AGBL4: variants seen among roughly 807,000 people sequenced by gnomAD.
AGBL4 encodes AGBL carboxypeptidase 4, also known as cytosolic carboxypeptidase 6.
A neutral mutation model predicts 66.4 loss-of-function variants in AGBL4; 58 were observed. The ratio of observed to expected loss-of-function variants is 0.87; its 90% CI spans 0.71 to 1.09. The LOEUF is 1.09. Among genes scored for constraint, AGBL4 ranks in the 50% least tolerant of loss-of-function variants. AGBL4 has a pLI of 0.00. For missense variants in AGBL4, 579 were observed against 631.0 expected, an observed-to-expected ratio of 0.92 and a Z score of 0.88; for synonymous variants, 234 against 222.9, an observed-to-expected ratio of 1.05 and a Z score of -0.44.
At chr1:48,601,198 C>T (rs1340213021) in intron 9 of AGBL4, among the ~76,000 whole-genome samples, 1 of 152,192 alleles carries the variant, frequency 6.6e-6, no homozygotes. Context: ...GTTAGTTTCA[C>T]CATGGTTGAG....
intron 6 of AGBL4, among the ~76,000 whole-genome samples, chr1:48,686,581 CAA>C (rs1425474624): frequency 6.6e-6 from 1 of 152,044 alleles, no homozygotes; most frequent in East Asian, 1.9e-4. Context: ...AAAGAAGAAA[CAA>C]GAGAAAAAAG....
intron 2 of AGBL4, among the ~76,000 whole-genome samples, chr1:49,747,844 G>C (rs1025638334): frequency 1.9e-4 from 29 of 151,744 alleles, no homozygotes; most frequent in Admixed American, 4.6e-4. Context: ...TATTCAATTT[G>C]ACACAATAAA....
chr1:48,898,960 T>A (rs113566608), intron 5 of AGBL4, among the ~76,000 whole-genome samples: 4,733 of 152,302 alleles, frequency 0.031, 243 homozygotes, highest in African/African-American at 0.1. Flanking sequence ...TGGTACCTCC[T>A]TACTCTCAGC....
At chr1:49,179,560 A>T (rs1420692979) in intron 4 of AGBL4, among the ~76,000 whole-genome samples, 4 of 151,956 alleles carry the variant, frequency 2.6e-5, no homozygotes, top group Admixed American at 2.6e-4. Flanking sequence ...CAAGCAGAGG[A>T]CAAAAGGAGC....
chr1:49,304,895 A>G (rs1023405163), intron 3 of AGBL4, among the ~76,000 whole-genome samples: 1 of 152,162 alleles, frequency 6.6e-6, no homozygotes, highest in African/African-American at 2.4e-5. Context: ...TCTTTGTTGC[A>G]CTTACACATT....
intron 3 of AGBL4, among the ~76,000 whole-genome samples, chr1:49,672,921 CAAAAAAA>C (rs60612868): frequency 1.1e-4 from 5 of 47,058 alleles, no homozygotes; most frequent in South Asian, 8.7e-4. Context: ...AACTCCATCT[CAAAAAAA>C]AAAAAAAAAA....
chr1:49,697,321 C>A lies in AGBL4; in HGVS notation c.274G>T (p.Glu92Ter), dbSNP rs1262692593. ...WFNFTVENVKESQRVIFNIVN... is the reference protein window; with the variant it reads ...WFNFTVENVK ...TCCACTATTTCCCTCACCTGTGATT[C>A]TTTCACATTTTCAACAGTAAAGTTG... Residue 92 changes from glutamate to a stop codon, truncating the protein, a stop_gained, in exon 3 of 14, where the codon GAA (glutamate) becomes TAA (stop). Transcript: ENST00000371839. LOFTEE classifies it high-confidence loss of function. 6 of 1,546,388 alleles carry A rather than the reference C, an allele frequency of 3.9e-6. No individual in the cohort carries two copies. Among genetic ancestry groups the A allele is most frequent in the Non-Finnish European group, 5.2e-6 (6 of 1,143,080 alleles).
chr1:49,506,736 G>C (rs1211837597), intron 3 of AGBL4, among the ~76,000 whole-genome samples: 3 of 151,988 alleles, frequency 2.0e-5, no homozygotes, highest in African/African-American at 7.2e-5. Flanking sequence ...TAAAAGAATG[G>C]AATATGGTGG....
At chr1:48,755,692 C>G (rs940426318) in intron 6 of AGBL4, among the ~76,000 whole-genome samples, 4 of 152,126 alleles carry the variant, frequency 2.6e-5, no homozygotes, top group African/African-American at 9.7e-5. Flanking sequence ...GGATATCTTA[C>G]CAGACTTTCC....
chr1:48,590,271 T>C (rs987177270), intron 10 of AGBL4, among the ~76,000 whole-genome samples: 1 of 151,968 alleles, frequency 6.6e-6, no homozygotes. Context: ...GCGGGTGTGG[T>C]GGCGCATGCC....
chr1:48,848,269 G>A (rs1280391998), intron 6 of AGBL4, among the ~76,000 whole-genome samples: 2 of 152,094 alleles, frequency 1.3e-5, no homozygotes, highest in Admixed American at 6.5e-5. Flanking sequence ...TTAATGGGCG[G>A]ACTACAACTA....
chr1:48,621,045 G>A (rs1408389572), intron 9 of AGBL4, among the ~76,000 whole-genome samples: 6 of 152,144 alleles, frequency 3.9e-5, no homozygotes, highest in Non-Finnish European at 1.5e-5. Flanking sequence ...GCAGTGCTGG[G>A]AGGCCAAAGA....
intron 1 of AGBL4, among the ~76,000 whole-genome samples, chr1:50,015,966 C>T (rs1445606272): frequency 2.6e-5 from 4 of 152,064 alleles, no homozygotes; most frequent in South Asian, 4.1e-4. Context: ...GAAACATATA[C>T]AAAAATCAAC....
chr1:49,683,279 A>G (rs1646729845), intron 3 of AGBL4, among the ~76,000 whole-genome samples: 1 of 152,200 alleles, frequency 6.6e-6, no homozygotes, highest in South Asian at 2.1e-4. Context: ...AGGAGGCTAT[A>G]CCAGGGTGTC....
chr1:49,192,228 T>A (rs1647134243), intron 4 of AGBL4, among the ~76,000 whole-genome samples: 1 of 152,194 alleles, frequency 6.6e-6, no homozygotes, highest in Admixed American at 6.6e-5. Flanking sequence ...GTATTTTTTA[T>A]AAATTTGCTT....
At chr1:49,010,523 A>C (rs1662309769) in intron 5 of AGBL4, among the ~76,000 whole-genome samples, 1 of 141,300 alleles carries the variant, frequency 7.1e-6, no homozygotes, top group African/African-American at 2.7e-5. Flanking sequence ...GAATTGGAAA[A>C]AACTACTTTA....
intron 5 of AGBL4, among the ~76,000 whole-genome samples, chr1:48,920,844 G>C (rs1341137157): frequency 6.6e-6 from 1 of 152,168 alleles, no homozygotes; most frequent in Non-Finnish European, 1.5e-5. Context: ...TGCTGACTGT[G>C]GTAGTGGCAA....
intron 5 of AGBL4, among the ~76,000 whole-genome samples, chr1:48,926,211 T>C (rs1412380563): frequency 6.6e-6 from 1 of 151,838 alleles, no homozygotes; most frequent in African/African-American, 2.4e-5. Context: ...AAGACTAAGA[T>C]AGAAGGTGGC....
At chr1:49,056,373 A>T (rs1386595586) in intron 4 of AGBL4, among the ~76,000 whole-genome samples, 1 of 152,172 alleles carries the variant, frequency 6.6e-6, no homozygotes, top group African/African-American at 2.4e-5. Context: ...TGAAAGAAAA[A>T]GCAAGATAAG....
Sources: allele counts gnomAD v4.1 joint callset (sites outside exome capture counted in the v4.1 genomes callset), GRCh38; gene constraint gnomAD v4.1.1; transcripts MANE v1.5; gene names NCBI Gene and HGNC (gene_info 2026-07-23, HGNC 2026-07-21).